INO80D: variants seen among roughly 807,000 people sequenced by gnomAD.
INO80D encodes the protein INO80 complex subunit D.
Under a neutral mutation model 87.6 loss-of-function variants are expected in INO80D, and 21 were observed. That is an observed-to-expected ratio of 0.24 (90% CI 0.17 to 0.35). The LOEUF is 0.35. INO80D is among the 10% of genes least tolerant of loss of function. The pLI, the probability that INO80D is intolerant of heterozygous loss-of-function variation, is 1.00. For missense variants in INO80D, 982 were observed against 1,280.7 expected, an observed-to-expected ratio of 0.77 and a Z score of 3.56; for synonymous variants, 440 against 491.0, an observed-to-expected ratio of 0.90 and a Z score of 1.37.
intron 1 of INO80D, among the ~76,000 whole-genome samples, chr2:206,064,076 C>T (rs1318635297): frequency 6.6e-6 from 1 of 152,174 alleles, no homozygotes; most frequent in Non-Finnish European, 1.5e-5. Flanking sequence ...CATCCAATCA[C>T]AATAAACTTC....
chr2:206,068,146 T>C (rs1238579845), intron 1 of INO80D, among the ~76,000 whole-genome samples: 4 of 152,218 alleles, frequency 2.6e-5, no homozygotes, highest in African/African-American at 7.2e-5. Flanking sequence ...GTTGCCAGGC[T>C]GGATTGCAGT....
chr2:206,020,524 C>T (rs183149733), intron 6 of INO80D, among the ~76,000 whole-genome samples: 2 of 152,112 alleles, frequency 1.3e-5, no homozygotes, highest in African/African-American at 4.8e-5. Context: ...GGCTGAGTGG[C>T]TTTTATCCTC....
chr2:206,023,017 G>A (rs1003203667), intron 6 of INO80D, among the ~76,000 whole-genome samples: 2 of 152,022 alleles, frequency 1.3e-5, no homozygotes, highest in Admixed American at 1.3e-4. Flanking sequence ...TGGCCAACAT[G>A]GTGAAATCCT....
chr2:206,027,116 C>T (rs1290144484), intron 6 of INO80D, among the ~76,000 whole-genome samples: 1 of 151,974 alleles, frequency 6.6e-6, no homozygotes. Flanking sequence ...AATATAAACA[C>T]ATGGCTCACT....
chr2:206,013,818 T>C (rs1688242736), intron 8 of INO80D, among the ~76,000 whole-genome samples: 1 of 148,392 alleles, frequency 6.7e-6, no homozygotes, highest in African/African-American at 2.5e-5. Flanking sequence ...TAGAAATTAT[T>C]CCTTAGCTAT....
chr2:206,079,812 C>A lies in INO80D; in HGVS notation c.-124+6089G>T, dbSNP rs144240429. ...ACTCCTTAGGACCTGGCCAGACTGA[C>A]CTTTCCCTCTCACTATTTATTCCCC... is the stretch of plus-strand genomic sequence containing the variant. On this transcript the variant is annotated intron_variant, in intron 1 of 10. Transcript: ENST00000403263. Among the ~76,000 whole-genome samples, 28 of 152,318 alleles carry A rather than the reference C, an allele frequency of 1.8e-4. No homozygotes were observed. In the South Asian group the frequency reaches 2.7e-3, roughly 15 times the overall value.
chr2:206,041,177 C>A (rs541289392), intron 5 of INO80D, among the ~76,000 whole-genome samples: 1 of 147,578 alleles, frequency 6.8e-6, no homozygotes, highest in East Asian at 2.0e-4. Context: ...ATAGGTGAGA[C>A]AAATACAAAA....
At chr2:206,018,638 T>C (rs1187331459) in intron 7 of INO80D, among the ~76,000 whole-genome samples, 4 of 152,156 alleles carry the variant, frequency 2.6e-5, no homozygotes, top group African/African-American at 7.2e-5. Context: ...ACTTCACTAT[T>C]GGCCAGGCAC....
At chr2:206,075,740 T>C (rs1430776958) in intron 1 of INO80D, among the ~76,000 whole-genome samples, 1 of 150,648 alleles carries the variant, frequency 6.6e-6, no homozygotes. Context: ...GCCCAGTTCA[T>C]ACCTTATAAT....
At chr2:206,059,764 T>A (rs542376222) in intron 3 of INO80D, among the ~76,000 whole-genome samples, 65 of 152,262 alleles carry the variant, frequency 4.3e-4, no homozygotes, top group Admixed American at 1.2e-3. Context: ...TCTGTGTGTC[T>A]GTGTGCTTCC....
chr2:206,074,342 G>A (rs975985231), intron 1 of INO80D, among the ~76,000 whole-genome samples: 1 of 152,174 alleles, frequency 6.6e-6, no homozygotes, highest in Non-Finnish European at 1.5e-5. Flanking sequence ...AGCCGGGCAC[G>A]GAGGGTCACG....
At chr2:206,079,961 C>T (rs1188082898) in intron 1 of INO80D, among the ~76,000 whole-genome samples, 1 of 152,212 alleles carries the variant, frequency 6.6e-6, no homozygotes, top group African/African-American at 2.4e-5. Context: ...CTCCCATTCG[C>T]TTAGGACAGA....
Position 206,001,483 on chromosome 2 carries a change from G to C in INO80D, c.*2885C>G, listed in dbSNP as rs1364579137. On this transcript the variant is annotated 3_prime_UTR_variant, in exon 11 of 11. Transcript: ENST00000403263. The stretch of plus-strand genomic sequence containing the variant: ...TCTACCTATTTAGGACCTTATATAA[G>C]ATTTGTTTTTCATTCCAGTATTGCC... 6.6e-6 allele frequency: 1 copy of C among 152,142 alleles called. No individual in the cohort carries two copies. The highest frequency in any genetic ancestry group is 1.5e-5 in the Non-Finnish European group (1 of 68,030). The allele number at this position is 152,142 out of a possible 1,614,324, so 9.4% of individuals were successfully genotyped here.
chr2:206,036,190 TA>T (rs1489271471), intron 5 of INO80D, among the ~76,000 whole-genome samples: 3 of 152,106 alleles, frequency 2.0e-5, no homozygotes, highest in Non-Finnish European at 4.4e-5. Flanking sequence ...GGAGATTCCT[TA>T]AAGAACTAAA....
Position 206,062,850 on chromosome 2 carries a change from T to A in INO80D, c.167A>T (p.Lys56Met). Reference sequence around the variant, plus strand: ...GTTGGTGCAGCGTTGGCTGTTATACTTGGCCACATATTCACATTGCTTGAA... The same window carrying A: ...GTTGGTGCAGCGTTGGCTGTTATACATGGCCACATATTCACATTGCTTGAA... ...APFKQCEYVA[K>M]YNSQRCTNPI... Residue 56 changes from lysine to methionine, a missense_variant, in exon 3 of 11, where the codon AAG becomes ATG. Lys to Met is a moderately conservative substitution (Grantham distance 95, BLOSUM62 -1). Coordinates refer to ENST00000403263, the MANE Select transcript of INO80D (RefSeq NM_017759.5). The surrounding 1 kb of genome is among the most constrained non-coding windows in gnomAD (Gnocchi z 4.6). The A allele has an allele frequency of 6.2e-7, 1 of 1,613,314 alleles. No homozygotes were observed. The highest frequency in any genetic ancestry group is 1.1e-5 in the South Asian group (1 of 90,986).
chr2:206,025,568 T>TAA (rs1553616185), intron 6 of INO80D: 2 of 126,816 alleles, frequency 1.6e-5, no homozygotes, highest in Non-Finnish European at 3.3e-5. Context: ...TATATATATA[T>TAA]AAAATAACTA....
chr2:206,038,512 C>T (rs1688949869), intron 5 of INO80D, among the ~76,000 whole-genome samples: 1 of 152,046 alleles, frequency 6.6e-6, no homozygotes, highest in South Asian at 2.1e-4. Flanking sequence ...CCTAACTGCT[C>T]ATCAAAAAGT....
chr2:205,997,606 T>G lies in INO80D; in HGVS notation c.*6762A>C, dbSNP rs1021568935. The G allele has an allele frequency of 6.6e-6, 1 of 152,158 alleles. No homozygotes were observed. The highest frequency in any genetic ancestry group is 2.4e-5 in the African/African-American group (1 of 41,448). The allele number at this position is 152,158 out of a possible 1,614,324, so 9.4% of individuals were successfully genotyped here. On this transcript the variant is annotated 3_prime_UTR_variant, in exon 11 of 11. Transcript: ENST00000403263. ...CCACAATAGATAAACACAGCTCATG[T>G]CTGGGGCTGTCTGTCTCCCTCTCTT...
At chr2:206,016,529 C>G (rs13005627) in intron 8 of INO80D, among the ~76,000 whole-genome samples, 1 of 152,006 alleles carries the variant, frequency 6.6e-6, no homozygotes, top group South Asian at 2.1e-4. Context: ...CTGAAATGAG[C>G]TGAGACTTTG....
Sources: allele counts gnomAD v4.1 joint callset (sites outside exome capture counted in the v4.1 genomes callset), GRCh38; gene constraint gnomAD v4.1.1; non-coding constraint Gnocchi (gnomAD v3.1); transcripts MANE v1.5; gene names NCBI Gene and HGNC (gene_info 2026-07-23, HGNC 2026-07-21).